Variants in TRIP6 observed in about 807,000 individuals in gnomAD.
TRIP6 encodes thyroid receptor-interacting protein 6.
Under a neutral mutation model 51.9 loss-of-function variants are expected in TRIP6, and 33 were observed. The ratio of observed to expected loss-of-function variants is 0.64; its 90% CI spans 0.48 to 0.85. The LOEUF is 0.85. TRIP6 is among the 40% of genes least tolerant of loss of function. The pLI, the probability that TRIP6 is intolerant of heterozygous loss-of-function variation, is 0.00. For missense variants in TRIP6, 661 were observed against 652.1 expected (o/e 1.01, Z -0.15); for synonymous variants, 255 against 275.8 (o/e 0.92, Z 0.75).
Position 100,867,696 on chromosome 7 carries a change from T to TGCAG in TRIP6, c.109+90_109+91insGCAG. The TGCAG allele has an allele frequency of 6.5e-7, 1 of 1,538,758 alleles. No individual in the cohort carries two copies. The highest frequency in any genetic ancestry group is 1.9e-5 in the Admixed American group (1 of 51,446). On this transcript the variant is annotated intron_variant, in intron 1 of 8. Transcript: ENST00000200457. This position sits in a 1 kb window ranked among gnomAD's most constrained non-coding sequence, Gnocchi z 5.4. ...CCAGCCTCCCGCCCTGGCTGCTTCC[T>TGCAG]CCTGCCCCTTCCCCAAGCCGAGGCG...
At chr7:100,870,912 T>A in intron 6 of TRIP6, 169 bp downstream of exon 6, 1 of 920,184 alleles carries the variant, frequency 1.1e-6, no homozygotes, top group Non-Finnish European at 1.6e-6. Context: ...GCAAGTAGCT[T>A]AACACTGGTG....
chr7:100,870,267 C>T (rs776064889), intron 4 of TRIP6, 103 bp from the exon 5 acceptor site: 38 of 1,157,754 alleles, frequency 3.3e-5, no homozygotes, highest in Non-Finnish European at 4.4e-5. Flanking sequence ...TCAGCTCCTG[C>T]TGTGTGGCCC....
At position 100,871,662 on chromosome 7, in the gene TRIP6, C is replaced by T. The variant is rs765796485; in HGVS notation, c.1119C>T (p.Asp373=). 18 of 1,613,954 alleles carry T rather than the reference C, an allele frequency of 1.1e-5. No individual in the cohort carries two copies. The highest frequency in any genetic ancestry group is 8.9e-5 in the East Asian group (4 of 44,888). ...FTCVVCHRGL[D]GIPFTVDATS... ...GCGTGGTGTGTCACCGCGGCCTCGA[C>T]GGCATCCCCTTCACAGTGGATGCTA... Residue 373 remains aspartate, a synonymous_variant, in exon 7 of 9, where the codon GAC becomes GAT. Transcript: ENST00000200457.
chr7:100,871,741 T>G lies in TRIP6; in HGVS notation c.1178+20T>G, dbSNP rs766430780. 2.7e-5 allele frequency: 43 copies of G among 1,609,298 alleles called. No homozygotes were observed. In the South Asian group the frequency reaches 4.6e-4, roughly 17 times the overall value. ...TCACAGGTCAGGCCTGGCCTCCACC[T>G]TGTCTCACAATGTCTGACCTTTCCT... On this transcript the variant is annotated intron_variant, in intron 7 of 8. Coordinates refer to ENST00000200457, the MANE Select transcript of TRIP6 (RefSeq NM_003302.3).
chr7:100,868,847 G>C lies in TRIP6; in HGVS notation c.716G>C (p.Gly239Ala). 1 of 1,514,946 alleles carries C rather than the reference G, an allele frequency of 6.6e-7. No homozygotes were observed. The highest frequency in any genetic ancestry group is 1.4e-5 in the African/African-American group (1 of 71,066). 93.8% of individuals were successfully genotyped at this position (1,514,946 alleles called of 1,614,324 possible). A position where few individuals can be genotyped will look rare whatever the true frequency, so the allele number is the denominator to read the frequency against. Residue 239 changes from glycine to alanine, a missense_variant, in exon 4 of 9, where the codon GGA becomes GCA. Coordinates refer to ENST00000200457, the MANE Select transcript of TRIP6 (RefSeq NM_003302.3). Reference sequence around the variant, plus strand: ...TCTGGCCCTGCAGGAAGAGGAAGAGGAGGCGAGCACGGGCCCCAGGTGAGC... The same window carrying C: ...TCTGGCCCTGCAGGAAGAGGAAGAGCAGGCGAGCACGGGCCCCAGGTGAGC... ...GVSGPAGRGRGGEHGPQVPLS... is the reference protein window; with the variant it reads ...GVSGPAGRGRAGEHGPQVPLS...
chr7:100,869,566 A>G (rs1490785742), intron 4 of TRIP6, among the ~76,000 whole-genome samples: 1 of 132,324 alleles, frequency 7.6e-6, no homozygotes, highest in Non-Finnish European at 1.6e-5. Context: ...TGGGAGGTGG[A>G]GGTTGCGGTG....
chr7:100,870,256 C>G, intron 4 of TRIP6, 114 bp from the exon 5 acceptor site: 1 of 1,048,728 alleles, frequency 9.5e-7, no homozygotes, highest in Non-Finnish European at 1.4e-6. Flanking sequence ...TTGCCCATTG[C>G]TCAGCTCCTG....
At chr7:100,871,965 A>C (rs938299638) in intron 7 of TRIP6, among the ~76,000 whole-genome samples, 18 of 150,750 alleles carry the variant, frequency 1.2e-4, no homozygotes, top group Non-Finnish European at 2.5e-4. Flanking sequence ...CCTCCTGAGT[A>C]GCTGGGACTA....
At chr7:100,868,915 C>A in intron 4 of TRIP6, 49 bp downstream of exon 4, 1 of 1,445,426 alleles carries the variant, frequency 6.9e-7, no homozygotes, top group Non-Finnish European at 9.1e-7. Flanking sequence ...AATGGGACAC[C>A]GACTGGGTGG....
chr7:100,873,448 C>CA lies in TRIP6; in HGVS notation c.*149dup, dbSNP rs1287500859. 8.0e-7 allele frequency: 1 copy of CA among 1,249,214 alleles called. No individual in the cohort carries two copies. Among genetic ancestry groups the CA allele is most frequent in the East Asian group, 2.6e-5 (1 of 38,888 alleles). 77.4% of individuals were successfully genotyped at this position (1,249,214 alleles called of 1,614,324 possible). ...AAGAAATAATAATCCCTCGAGTTTA[C>CA]AAAACACTTCCAAGTCTGTTGTCTC... On this transcript the variant is annotated 3_prime_UTR_variant, in exon 9 of 9. Coordinates refer to ENST00000200457, the MANE Select transcript of TRIP6 (RefSeq NM_003302.3).
chr7:100,871,819 G>C, intron 7 of TRIP6, 98 bp downstream of exon 7: 1 of 1,437,748 alleles, frequency 7.0e-7, no homozygotes, highest in Non-Finnish European at 9.4e-7. Flanking sequence ...TTCCAACCCT[G>C]GCCCTCCTTC....
chr7:100,870,274 GC>G (rs1218735097), intron 4 of TRIP6, 95 bp from the exon 5 acceptor site: 1 of 1,243,552 alleles, frequency 8.0e-7, no homozygotes, highest in East Asian at 2.5e-5. Flanking sequence ...CTGCTGTGTG[GC>G]CCAGTTCCTA....
At chr7:100,873,128 C>T (rs368494717) in intron 8 of TRIP6, 44 bp from the exon 9 acceptor site, 26 of 1,594,324 alleles carry the variant, frequency 1.6e-5, no homozygotes, top group South Asian at 3.3e-5. Flanking sequence ...GGATTACAGG[C>T]GTGAGCCATC....
rs1430807261 is a variant in TRIP6, at chr7:100,867,523, C to A, written c.26C>A (p.Pro9Gln). 2 of 1,513,486 alleles carry A rather than the reference C, an allele frequency of 1.3e-6. No individual in the cohort carries two copies. Among genetic ancestry groups the A allele is most frequent in the Non-Finnish European group, 1.8e-6 (2 of 1,133,030 alleles). 93.8% of individuals were successfully genotyped at this position (1,513,486 alleles called of 1,614,324 possible). ...ATGTCGGGGCCCACCTGGCTGCCCC[C>A]GAAGCAGCCGGAGCCCGCCAGAGCC... MSGPTWLP[P>Q]KQPEPARAPQ... The change falls in exon 1 of 9, where the codon CCG becomes CAG. Residue 9 changes from proline to glutamine, a missense_variant. Pro to Gln is a moderately conservative substitution (Grantham distance 76). Coordinates refer to ENST00000200457, the MANE Select transcript of TRIP6 (RefSeq NM_003302.3). This position sits in a 1 kb window ranked among gnomAD's most constrained non-coding sequence, Gnocchi z 5.4.
intron 7 of TRIP6, 64 bp downstream of exon 7, chr7:100,871,785 T>C (rs894749227): frequency 5.1e-6 from 8 of 1,573,322 alleles, no homozygotes; most frequent in Non-Finnish European, 6.9e-6. Flanking sequence ...CATCTCTTCA[T>C]GCCCCAGGAC....
chr7:100,868,832 C>CAGGAAG lies in TRIP6; in HGVS notation c.712_717dup (p.Arg238_Gly239dup), dbSNP rs769004879. 2.1e-4 allele frequency: 322 copies of CAGGAAG among 1,516,930 alleles called. 1 individual carries two copies. Among genetic ancestry groups the CAGGAAG allele is most frequent in the Non-Finnish European group, 2.8e-4 (319 of 1,138,302 alleles). The allele number at this position is 1,516,930 out of a possible 1,614,324, so 94.0% of individuals were successfully genotyped here. On this transcript the variant is annotated inframe_insertion, in exon 4 of 9. Coordinates refer to ENST00000200457, the MANE Select transcript of TRIP6 (RefSeq NM_003302.3). ...GAAGCTGCTGGGGTCTCTGGCCCTGCAGGAAGAGGAAGAGGAGGCGAGCAC... is the reference window on the plus strand; with the variant it reads ...GAAGCTGCTGGGGTCTCTGGCCCTGCAGGAAGAGGAAGAGGAAGAGGAGGCGAGCAC...
Position 100,870,676 on chromosome 7 carries a change from G to A in TRIP6, c.932G>A (p.Arg311Gln), listed in dbSNP as rs763196707. 6.8e-6 allele frequency: 11 copies of A among 1,613,996 alleles called. No homozygotes were observed. The highest frequency in any genetic ancestry group is 8.5e-6 in the Non-Finnish European group (10 of 1,180,000). The change falls in exon 6 of 9, where the codon CGG (arginine) becomes CAG (glutamine). Residue 311 changes from arginine to glutamine, a missense_variant. Arg to Gln is a conservative substitution (Grantham distance 43). Coordinates refer to ENST00000200457, the MANE Select transcript of TRIP6 (RefSeq NM_003302.3). The stretch of plus-strand genomic sequence containing the variant: ...GGCTGCTTTGTATGTTCTACATGCC[G>A]GGCCCAGCTTCGCGGCCAGCATTTC... ...HVGCFVCSTC[R>Q]AQLRGQHFYA...
chr7:100,870,942 C>A, intron 6 of TRIP6, 199 bp downstream of exon 6: 1 of 736,594 alleles, frequency 1.4e-6, no homozygotes, highest in Non-Finnish European at 2.3e-6. Flanking sequence ...AAGGACGCAG[C>A]TCTTACAAGT....
At chr7:100,872,975 T>A (rs1418455245) in intron 8 of TRIP6, 197 bp from the exon 9 acceptor site, 1 of 1,075,910 alleles carries the variant, frequency 9.3e-7, no homozygotes, top group African/African-American at 1.6e-5. Flanking sequence ...CTCAGCCTCC[T>A]GAGTAGCTGG....
Sources: gnomAD v4.1 joint callset for allele counts (sites outside exome capture counted in the v4.1 genomes callset) on GRCh38, gnomAD v4.1.1 for gene constraint, Gnocchi (gnomAD v3.1) non-coding constraint, MANE v1.5 for transcripts, NCBI Gene and HGNC (gene_info 2026-07-23, HGNC 2026-07-21) for gene names.